The following CTNND2 variants were observed in gnomAD, a reference collection of about 807,000 sequenced individuals.
CTNND2 encodes catenin delta 2.
Under a neutral mutation model 144.4 loss-of-function variants are expected in CTNND2, and 22 were observed. The ratio of observed to expected loss-of-function variants is 0.15; its 90% CI spans 0.11 to 0.22. CTNND2 has a LOEUF of 0.22. Ranked by LOEUF, CTNND2 falls within the 10% of genes least tolerant of loss-of-function variation. The pLI is 1.00. For missense variants in CTNND2, 1,353 were observed against 1,618.8 expected (o/e 0.84, Z 2.82); for synonymous variants, 751 against 695.6 (o/e 1.08, Z -1.25).
At chr5:11,690,111 C>T (rs1319413715) in intron 2 of CTNND2, among the ~76,000 whole-genome samples, 2 of 152,110 alleles carry the variant, frequency 1.3e-5, no homozygotes, top group Non-Finnish European at 2.9e-5. Context: ...AATTATAAAA[C>T]GACTTAAATG....
intron 3 of CTNND2, among the ~76,000 whole-genome samples, chr5:11,485,613 T>C (rs1489118106): frequency 6.6e-6 from 1 of 152,202 alleles, no homozygotes; most frequent in Non-Finnish European, 1.5e-5. Flanking sequence ...CATAGGCATA[T>C]GAGAGCTTAG....
At chr5:11,851,272 TGCGTATGTGG>T (rs1794999730) in intron 1 of CTNND2, among the ~76,000 whole-genome samples, 1 of 151,980 alleles carries the variant, frequency 6.6e-6, no homozygotes, top group South Asian at 2.1e-4. Flanking sequence ...TGCGTGTGTG[TGCGTATGTGG>T]GTGTGAGTGT....
chr5:11,058,706 T>C (rs915595138), intron 16 of CTNND2, among the ~76,000 whole-genome samples: 3 of 152,152 alleles, frequency 2.0e-5, no homozygotes, highest in African/African-American at 7.2e-5. Flanking sequence ...ACCTCTTGCA[T>C]CGTGAAGCTG....
intron 1 of CTNND2, among the ~76,000 whole-genome samples, chr5:11,737,380 T>C (rs1322138852): frequency 6.6e-6 from 1 of 152,186 alleles, no homozygotes; most frequent in African/African-American, 2.4e-5. Context: ...GTGGTTACCA[T>C]GTAAGAAGTC....
chr5:11,679,503 T>C (rs1019229734), intron 2 of CTNND2, among the ~76,000 whole-genome samples: 1 of 152,220 alleles, frequency 6.6e-6, no homozygotes, highest in African/African-American at 2.4e-5. Flanking sequence ...GTATGTAATA[T>C]AGTCTAGGAA....
chr5:11,206,525 T>A (rs1439492660), intron 10 of CTNND2, among the ~76,000 whole-genome samples: 1 of 152,224 alleles, frequency 6.6e-6, no homozygotes. Flanking sequence ...GTCTAATGGT[T>A]TCTATCACTT....
chr5:11,574,946 T>C (rs1360259635), intron 2 of CTNND2, among the ~76,000 whole-genome samples: 1 of 152,210 alleles, frequency 6.6e-6, no homozygotes, highest in African/African-American at 2.4e-5. Flanking sequence ...AAATATCCAT[T>C]TCCTCTTCTC....
chr5:11,235,968 GA>G (rs1246071357), intron 10 of CTNND2, among the ~76,000 whole-genome samples: 1 of 151,870 alleles, frequency 6.6e-6, no homozygotes, highest in Non-Finnish European at 1.5e-5. Flanking sequence ...AAATCTTTTT[GA>G]AAAAAATGAC....
chr5:11,383,652 CA>C (rs1758751794), intron 7 of CTNND2, among the ~76,000 whole-genome samples: 1 of 152,196 alleles, frequency 6.6e-6, no homozygotes, highest in Non-Finnish European at 1.5e-5. Flanking sequence ...ATGCATGCAA[CA>C]AGCTCCTTTT....
At chr5:11,074,639 T>C (rs952129518) in intron 16 of CTNND2, among the ~76,000 whole-genome samples, 3 of 152,174 alleles carry the variant, frequency 2.0e-5, no homozygotes, top group Non-Finnish European at 2.9e-5. Flanking sequence ...CAGGACAGTA[T>C]TGATATAACG....
intron 1 of CTNND2, among the ~76,000 whole-genome samples, chr5:11,803,893 G>A (rs1359522637): frequency 6.6e-6 from 1 of 151,132 alleles, no homozygotes; most frequent in Non-Finnish European, 1.5e-5. Flanking sequence ...CTCCAATCTA[G>A]TCAGTAAAAA....
intron 16 of CTNND2, among the ~76,000 whole-genome samples, chr5:11,036,549 T>C (rs1744090853): frequency 6.6e-6 from 1 of 152,118 alleles, no homozygotes; most frequent in South Asian, 2.1e-4. Flanking sequence ...TCCTCCCAAG[T>C]AGCTGGGATT....
At chr5:11,158,402 T>G (rs1560943561) in intron 12 of CTNND2, among the ~76,000 whole-genome samples, 3 of 152,210 alleles carry the variant, frequency 2.0e-5, no homozygotes, top group Non-Finnish European at 4.4e-5. Context: ...TTCAGAGTAC[T>G]GTATATTTGC....
chr5:11,036,233 C>T (rs1744050231), intron 16 of CTNND2, among the ~76,000 whole-genome samples: 1 of 151,986 alleles, frequency 6.6e-6, no homozygotes, highest in Admixed American at 6.6e-5. Flanking sequence ...AGCAAAAGAT[C>T]CTTGCTTATG....
At chr5:11,047,973 G>A (rs533025847) in intron 16 of CTNND2, among the ~76,000 whole-genome samples, 3 of 152,136 alleles carry the variant, frequency 2.0e-5, no homozygotes, top group African/African-American at 7.2e-5. Context: ...TCAATTCAGG[G>A]GTTCCACCAT....
At chr5:11,789,398 GTTC>G (rs1791017727) in intron 1 of CTNND2, among the ~76,000 whole-genome samples, 1 of 151,838 alleles carries the variant, frequency 6.6e-6, no homozygotes, top group South Asian at 2.1e-4. Flanking sequence ...CTTTTATCCT[GTTC>G]TTCTTTATGA....
intron 18 of CTNND2, among the ~76,000 whole-genome samples, chr5:11,014,371 G>A (rs986733569): frequency 2.6e-5 from 4 of 152,092 alleles, no homozygotes; most frequent in African/African-American, 7.2e-5. Flanking sequence ...CTTGTACCCC[G>A]ACATCCAGTC....
chr5:11,827,948 GATATAT>G (rs1220724305), intron 1 of CTNND2, among the ~76,000 whole-genome samples: 1 of 152,170 alleles, frequency 6.6e-6, no homozygotes, highest in Non-Finnish European at 1.5e-5. Flanking sequence ...CCAAAATCTA[GATATAT>G]AGTCATTGCC....
intron 1 of CTNND2, among the ~76,000 whole-genome samples, chr5:11,842,720 G>GAA (rs746686111): frequency 1.6e-5 from 2 of 127,146 alleles, no homozygotes; most frequent in African/African-American, 2.9e-5. Context: ...CTCGGTCTCA[G>GAA]AACAAAAAAA....
Sources: allele counts gnomAD v4.1 joint callset (sites outside exome capture counted in the v4.1 genomes callset), GRCh38; gene constraint gnomAD v4.1.1; transcripts MANE v1.5; gene names NCBI Gene and HGNC (gene_info 2026-07-23, HGNC 2026-07-21).